EFR3B: variants seen among roughly 807,000 people sequenced by gnomAD.
EFR3B encodes the protein EFR3 homolog B, also known as protein EFR3 homolog B.
A neutral mutation model predicts 104.7 loss-of-function variants in EFR3B; 64 were observed. The observed-to-expected ratio is 0.61, with a 90% CI of 0.50 to 0.75. The LOEUF (loss-of-function observed/expected upper bound fraction) is 0.75. EFR3B is among the 30% of genes least tolerant of loss of function. The pLI, the probability that EFR3B is intolerant of heterozygous loss-of-function variation, is 0.00. For missense variants in EFR3B, 750 were observed against 1,078.5 expected (o/e 0.70, Z 4.27); for synonymous variants, 385 against 417.9 (o/e 0.92, Z 0.96).
In EFR3B at chr2:25,143,861, A is replaced by C; in HGVS notation, c.2049A>C (p.Thr683=). Residue 683 remains threonine (T), a splice_region_variant and synonymous_variant, in exon 18 of 23, where the codon ACA becomes ACC. Transcript: ENST00000403714. The part of the protein sequence containing the change: ...RLCLPYIPQL[T]DEDRLSKRRS... ...GCCTGCCCTACATTCCTCAGCTGAC[A>C]GGTATGAGTTCTGTGCAGGGATGCC... 1 of 1,551,424 alleles carries C rather than the reference A, an allele frequency of 6.4e-7. No individual in the cohort carries two copies. Among genetic ancestry groups the C allele is most frequent in the South Asian group, 1.2e-5 (1 of 84,036 alleles).
intron 4 of EFR3B, among the ~76,000 whole-genome samples, chr2:25,113,123 G>C (rs924138644): frequency 5.3e-5 from 8 of 152,104 alleles, no homozygotes; most frequent in Admixed American, 2.6e-4. Flanking sequence ...CTTTGATCTT[G>C]AAAGGGTGGC....
chr2:25,148,025 C>CA (rs58788213), intron 19 of EFR3B: 8,508 of 71,532 alleles, frequency 0.12, 915 homozygotes, highest in African/African-American at 0.29. Context: ...AACTCCATCT[C>CA]AAAAAAAAAA....
chr2:25,060,894 C>T (rs1176122746), intron 1 of EFR3B, among the ~76,000 whole-genome samples: 1 of 150,458 alleles, frequency 6.6e-6, no homozygotes, highest in Non-Finnish European at 1.5e-5. Context: ...GCACTCCAGC[C>T]TGGGCGACAC....
chr2:25,129,319 C>CGGGGGCGGGGGT (rs1670260273), intron 6 of EFR3B, among the ~76,000 whole-genome samples: 3 of 21,506 alleles, frequency 1.4e-4, no homozygotes, highest in African/African-American at 4.1e-4. Flanking sequence ...CTCGGGTCGA[C>CGGGGGCGGGGGT]GGGGGCGGGG....
At chr2:25,072,535 G>A (rs1232363114) in intron 1 of EFR3B, among the ~76,000 whole-genome samples, 1 of 152,152 alleles carries the variant, frequency 6.6e-6, no homozygotes, top group Non-Finnish European at 1.5e-5. Context: ...TCCCACCTCA[G>A]CCTCCCAAAG....
At chr2:25,123,175 C>T (rs975813572) in intron 5 of EFR3B, among the ~76,000 whole-genome samples, 5 of 151,862 alleles carry the variant, frequency 3.3e-5, no homozygotes, top group Non-Finnish European at 7.4e-5. Flanking sequence ...CCAGCCTGGG[C>T]AACATAATGA....
chr2:25,152,916 A>C (rs1263741640), intron 21 of EFR3B, among the ~76,000 whole-genome samples: 1 of 152,030 alleles, frequency 6.6e-6, no homozygotes, highest in Non-Finnish European at 1.5e-5. Context: ...AGGGATGCCC[A>C]TGTTATGAGC....
intron 3 of EFR3B, among the ~76,000 whole-genome samples, chr2:25,094,294 A>AAAAG (rs1431432217): frequency 6.6e-6 from 1 of 151,372 alleles, no homozygotes; most frequent in South Asian, 2.1e-4. Context: ...AAAAAAAAAA[A>AAAAG]AAAAAAAGAA....
intron 17 of EFR3B, 79 bp from the exon 18 acceptor site, chr2:25,143,656 G>A: frequency 1.3e-6 from 2 of 1,516,434 alleles, no homozygotes; most frequent in Admixed American, 4.0e-5. Flanking sequence ...GCAAAACCCT[G>A]TCTTAAAAAA....
chr2:25,096,247 C>T (rs1203942337), intron 3 of EFR3B, among the ~76,000 whole-genome samples: 1 of 152,156 alleles, frequency 6.6e-6, no homozygotes, highest in African/African-American at 2.4e-5. Context: ...AACTTCTGAC[C>T]TCGTGATCCA....
At chr2:25,056,311 C>T (rs896584879) in intron 1 of EFR3B, among the ~76,000 whole-genome samples, 6 of 152,108 alleles carry the variant, frequency 3.9e-5, no homozygotes, top group East Asian at 3.8e-4. Flanking sequence ...AAGGACTTCT[C>T]GTGTATTTCC....
intron 2 of EFR3B, among the ~76,000 whole-genome samples, chr2:25,092,425 TACAC>T (rs754189638): frequency 6.3e-5 from 5 of 78,850 alleles, no homozygotes; most frequent in Non-Finnish European, 6.4e-5. Context: ...CACACACACT[TACAC>T]ACACACACAC....
intron 1 of EFR3B, among the ~76,000 whole-genome samples, chr2:25,065,088 C>T (rs575893443): frequency 5.5e-4 from 82 of 149,770 alleles, no homozygotes; most frequent in African/African-American, 1.8e-3. Flanking sequence ...GCGGGGGGGG[C>T]GGGGCACACC....
chr2:25,088,735 C>T (rs1326739547), intron 1 of EFR3B, among the ~76,000 whole-genome samples: 1 of 152,118 alleles, frequency 6.6e-6, no homozygotes, highest in East Asian at 1.9e-4. Context: ...GTTACTTGTT[C>T]CAAGTCACAG....
At chr2:25,065,346 ATTTT>A (rs749717958) in intron 1 of EFR3B, among the ~76,000 whole-genome samples, 5 of 93,344 alleles carry the variant, frequency 5.4e-5, no homozygotes, top group Admixed American at 1.3e-4. Context: ...ACACCCAGCT[ATTTT>A]TTTTTTTTTT....
chr2:25,080,283 CTTTTTTTTTTTTTTT>C lies in EFR3B; in HGVS notation c.8-11028_8-11014del, dbSNP rs563438610. On this transcript the variant is annotated intron_variant, in intron 1 of 22. Coordinates refer to ENST00000403714, the MANE Select transcript of EFR3B (RefSeq NM_014971.2). ...AGCTGGCTGGAGTCCCTCCCCAAAG[CTTTTTTTTTTTTTTT>C]TTTTTTTTTTTTTGAGATGGAGTTT... is the stretch of plus-strand genomic sequence containing the variant. 4.0e-3 allele frequency: 614 copies of C among 154,900 alleles called. 3 individuals carry two copies. Among genetic ancestry groups the C allele is most frequent in the Non-Finnish European group, 4.9e-3 (442 of 89,674 alleles). The allele number at this position is 154,900 out of a possible 1,614,324, so 9.6% of individuals were successfully genotyped here.
chr2:25,105,224 C>T (rs1363922755), intron 4 of EFR3B, among the ~76,000 whole-genome samples: 2 of 152,204 alleles, frequency 1.3e-5, no homozygotes, highest in East Asian at 3.9e-4. Flanking sequence ...ACAATCTCGG[C>T]TCACTGCAAC....
At chr2:25,138,988 C>A (rs1277523540) in intron 15 of EFR3B, 71 bp from the exon 16 acceptor site, 1 of 1,530,966 alleles carries the variant, frequency 6.5e-7, no homozygotes, top group Non-Finnish European at 8.8e-7. Flanking sequence ...GGGAAGAGGT[C>A]GGGTGGAGCG....
intron 4 of EFR3B, among the ~76,000 whole-genome samples, chr2:25,108,132 T>C (rs1415090441): frequency 6.6e-6 from 1 of 152,022 alleles, no homozygotes; most frequent in Non-Finnish European, 1.5e-5. Context: ...CCGTGCCCAG[T>C]GAAAATTTAA....
Sources: gnomAD v4.1 joint callset for allele counts (sites outside exome capture counted in the v4.1 genomes callset) on GRCh38, gnomAD v4.1.1 for gene constraint, MANE v1.5 for transcripts, NCBI Gene and HGNC (gene_info 2026-07-23, HGNC 2026-07-21) for gene names.